Variants in FARS2 observed in about 807,000 individuals in gnomAD.
The protein encoded by FARS2 is phenylalanyl-tRNA synthetase 2, mitochondrial.
In FARS2, 40 loss-of-function variants were observed where a neutral mutation model predicts 46.4. That is an observed-to-expected ratio of 0.86 (90% confidence interval 0.67 to 1.12). The LOEUF is 1.12. Among genes scored for constraint, FARS2 ranks in the 50% most tolerant of loss-of-function variants. The pLI is 0.00. For missense variants in FARS2, 513 were observed against 567.9 expected (o/e 0.90, Z 0.98); for synonymous variants, 234 against 214.9 (o/e 1.09, Z -0.78).
chr6:5,442,851 C>G (rs1007056983), intron 4 of FARS2, among the ~76,000 whole-genome samples: 1 of 152,124 alleles, frequency 6.6e-6, no homozygotes, highest in Non-Finnish European at 1.5e-5. Flanking sequence ...TCCTGCTTCT[C>G]ATCCACACCA....
At chr6:5,627,065 A>G (rs1776070936) in intron 6 of FARS2, among the ~76,000 whole-genome samples, 1 of 152,226 alleles carries the variant, frequency 6.6e-6, no homozygotes, top group Non-Finnish European at 1.5e-5. Flanking sequence ...CATCACCACA[A>G]ATGCATGAGT....
At chr6:5,483,484 A>G (rs1229930745) in intron 4 of FARS2, among the ~76,000 whole-genome samples, 2 of 152,108 alleles carry the variant, frequency 1.3e-5, no homozygotes, top group African/African-American at 2.4e-5. Context: ...CCTGGCCAAC[A>G]TGACAAAACC....
chr6:5,675,228 A>G (rs78853127), intron 6 of FARS2, among the ~76,000 whole-genome samples: 2 of 139,752 alleles, frequency 1.4e-5, no homozygotes, highest in Non-Finnish European at 3.3e-5. Context: ...ACACACACAC[A>G]CACACACACA....
At chr6:5,541,565 T>C (rs574903110) in intron 4 of FARS2, among the ~76,000 whole-genome samples, 1 of 152,342 alleles carries the variant, frequency 6.6e-6, no homozygotes, top group East Asian at 1.9e-4. Context: ...TAATCTCTTT[T>C]TGTTAAACAT....
At chr6:5,491,044 G>T (rs910667748) in intron 4 of FARS2, among the ~76,000 whole-genome samples, 1 of 152,216 alleles carries the variant, frequency 6.6e-6, no homozygotes, top group African/African-American at 2.4e-5. Context: ...CACATCAATA[G>T]ATAAGGAATA....
chr6:5,489,211 T>C (rs945736278), intron 4 of FARS2, among the ~76,000 whole-genome samples: 40 of 152,088 alleles, frequency 2.6e-4, no homozygotes, highest in Non-Finnish European at 5.3e-4. Context: ...CTGAGCACTT[T>C]GGGAGGCTGA....
At chr6:5,383,858 A>G (rs2127674297) in intron 2 of FARS2, among the ~76,000 whole-genome samples, 1 of 151,370 alleles carries the variant, frequency 6.6e-6, no homozygotes. Flanking sequence ...AGAACAGGTG[A>G]TGGAATTTAG....
intron 1 of FARS2, among the ~76,000 whole-genome samples, chr6:5,346,575 G>C (rs897867351): frequency 3.3e-5 from 5 of 152,048 alleles, no homozygotes; most frequent in Non-Finnish European, 7.4e-5. Context: ...ATCCAATCCT[G>C]TGCCTACTTT....
chr6:5,637,143 C>T (rs1463699218), intron 6 of FARS2, among the ~76,000 whole-genome samples: 1 of 152,232 alleles, frequency 6.6e-6, no homozygotes, highest in Non-Finnish European at 1.5e-5. Flanking sequence ...AGGCTCCTGA[C>T]TTGCAGAGAA....
At chr6:5,408,223 C>T (rs1238369634) in intron 3 of FARS2, among the ~76,000 whole-genome samples, 3 of 152,198 alleles carry the variant, frequency 2.0e-5, no homozygotes, top group Non-Finnish European at 2.9e-5. Context: ...TCCGAGCACA[C>T]AGGCAAGGCG....
chr6:5,326,606 G>A (rs997461144), intron 1 of FARS2, among the ~76,000 whole-genome samples: 2 of 152,184 alleles, frequency 1.3e-5, no homozygotes, highest in Non-Finnish European at 2.9e-5. Context: ...TGTCACCTTC[G>A]TTAAAGCTTC....
chr6:5,677,850 C>T (rs555405987), intron 6 of FARS2, among the ~76,000 whole-genome samples: 1 of 152,270 alleles, frequency 6.6e-6, no homozygotes, highest in East Asian at 1.9e-4. Context: ...TCATGCCCAG[C>T]ACCAAGGAGG....
At chr6:5,498,428 ACTGT>A (rs765622937) in intron 4 of FARS2, among the ~76,000 whole-genome samples, 1 of 152,132 alleles carries the variant, frequency 6.6e-6, no homozygotes, top group Non-Finnish European at 1.5e-5. Context: ...TAACCATCTG[ACTGT>A]CTGATGGAGC....
At chr6:5,579,303 C>T (rs1395004926) in intron 5 of FARS2, among the ~76,000 whole-genome samples, 1 of 152,066 alleles carries the variant, frequency 6.6e-6, no homozygotes, top group Non-Finnish European at 1.5e-5. Context: ...CTCTGTCTCC[C>T]AGGCTGGAGT....
chr6:5,668,450 C>T (rs1386100467), intron 6 of FARS2, among the ~76,000 whole-genome samples: 1 of 152,184 alleles, frequency 6.6e-6, no homozygotes, highest in Non-Finnish European at 1.5e-5. Flanking sequence ...GGCTGGTCCC[C>T]TGGTCAAATA....
intron 6 of FARS2, among the ~76,000 whole-genome samples, chr6:5,714,939 C>T (rs748398138): frequency 2.0e-5 from 3 of 152,130 alleles, no homozygotes; most frequent in South Asian, 2.1e-4. Context: ...ATGGGAGAAT[C>T]GCTTGAACCC....
intron 5 of FARS2, among the ~76,000 whole-genome samples, chr6:5,549,345 C>T (rs930911089): frequency 8.5e-5 from 13 of 152,196 alleles, no homozygotes; most frequent in East Asian, 1.9e-4. Flanking sequence ...CCCCACTCCA[C>T]GACAGACCCT....
chr6:5,762,371 C>T (rs188797105), intron 6 of FARS2, among the ~76,000 whole-genome samples: 20 of 152,272 alleles, frequency 1.3e-4, no homozygotes, highest in African/African-American at 4.1e-4. Context: ...TAAAGCTGGG[C>T]GAGTCTGCAT....
chr6:5,345,555 C>T (rs539912390), intron 1 of FARS2, among the ~76,000 whole-genome samples: 2 of 152,154 alleles, frequency 1.3e-5, no homozygotes, highest in Admixed American at 6.5e-5. Context: ...ATGTGTAAAA[C>T]GAAGTCCACG....
Sources: gnomAD v4.1 joint callset for allele counts (sites outside exome capture counted in the v4.1 genomes callset) on GRCh38, gnomAD v4.1.1 for gene constraint, MANE v1.5 for transcripts, NCBI Gene and HGNC (gene_info 2026-07-23, HGNC 2026-07-21) for gene names.